DDX17: variants seen among roughly 807,000 people sequenced by gnomAD.
The protein encoded by DDX17 is probable ATP-dependent RNA helicase DDX17.
A neutral mutation model predicts 80.8 loss-of-function variants in DDX17; 10 were observed. The ratio of observed to expected loss-of-function variants is 0.12; its 90% CI spans 0.08 to 0.21. The LOEUF is 0.21. Ranked by LOEUF, DDX17 falls within the 10% of genes least tolerant of loss-of-function variation. The pLI, the probability that DDX17 is intolerant of heterozygous loss-of-function variation, is 1.00. For missense variants in DDX17, 586 were observed against 957.4 expected, an observed-to-expected ratio of 0.61 and a Z score of 5.12; for synonymous variants, 339 against 336.2, an observed-to-expected ratio of 1.01 and a Z score of -0.09.
intron 1 of DDX17, chr22:38,505,508 T>TGG (rs1210189490): frequency 1.2e-5 from 2 of 164,252 alleles, no homozygotes; most frequent in African/African-American, 4.8e-5. Flanking sequence ...TGCCATTTCG[T>TGG]GTAAGGCTTT....
At chr22:38,497,157 G>A (rs1393847607) in intron 5 of DDX17, among the ~76,000 whole-genome samples, 1 of 151,612 alleles carries the variant, frequency 6.6e-6, no homozygotes, top group African/African-American at 2.4e-5. Flanking sequence ...TTAGCTGGGT[G>A]TGGCGGCGCA....
intron 12 of DDX17, 153 bp downstream of exon 12, chr22:38,487,726 A>T: frequency 1.4e-6 from 1 of 735,318 alleles, no homozygotes; most frequent in Non-Finnish European, 2.2e-6. Flanking sequence ...ACGTTTTCTT[A>T]GTTGAAAAAG....
intron 6 of DDX17, 104 bp from the exon 7 acceptor site, chr22:38,495,150 G>A (rs2089748167): frequency 5.4e-6 from 6 of 1,116,854 alleles, no homozygotes; most frequent in Non-Finnish European, 7.5e-6. Flanking sequence ...CTTGAGGCCA[G>A]TTCACAACCA....
rs1235228885 is a variant in DDX17, at chr22:38,486,208, G to A, written c.1917C>T (p.Thr639=). The change falls in exon 13 of 13, where the codon ACC becomes ACT. Residue 639 remains threonine, a synonymous_variant. Transcript: ENST00000403230. ...TGGTGCCATAAGCAGCTGCCCCATAGGTGCCTTGACCATAGGTGTATTGGC... is the reference window on the plus strand; with the variant it reads ...TGGTGCCATAAGCAGCTGCCCCATAAGTGCCTTGACCATAGGTGTATTGGC... The A allele has an allele frequency of 1.2e-5, 20 of 1,613,864 alleles. No individual in the cohort carries two copies. Among genetic ancestry groups the A allele is most frequent in the Non-Finnish European group, 5.9e-6 (7 of 1,179,852 alleles).
chr22:38,487,711 ACTTCACGTTTTCTTAG>A (rs765968853), intron 12 of DDX17, among the ~76,000 whole-genome samples, 152 bp downstream of exon 12: 35 of 152,144 alleles, frequency 2.3e-4, no homozygotes, highest in Non-Finnish European at 4.6e-4. Flanking sequence ...ATCACAACAA[ACTTCACGTTTTCTTAG>A]TTGAAAAAGG....
chr22:38,493,517 C>T (rs2089732830), intron 10 of DDX17, 193 bp downstream of exon 10: 1 of 582,344 alleles, frequency 1.7e-6, no homozygotes, highest in South Asian at 2.2e-5. Context: ...ATATTATCTA[C>T]AGCCTACAGC....
intron 9 of DDX17, 34 bp downstream of exon 9, chr22:38,493,987 A>G (rs1411921319): frequency 6.5e-7 from 1 of 1,528,490 alleles, no homozygotes; most frequent in Non-Finnish European, 9.0e-7. Flanking sequence ...TTAACTATAA[A>G]ACCAGAGGTT....
At chr22:38,491,986 A>G in intron 11 of DDX17, 70 bp downstream of exon 11, 1 of 1,144,996 alleles carries the variant, frequency 8.7e-7, no homozygotes, top group South Asian at 1.6e-5. Flanking sequence ...TTGAAGTCTG[A>G]ATTTGAAATG....
intron 1 of DDX17, among the ~76,000 whole-genome samples, chr22:38,504,713 A>G (rs2089862476): frequency 6.6e-6 from 1 of 152,242 alleles, no homozygotes; most frequent in Non-Finnish European, 1.5e-5. Flanking sequence ...CACAAAAGAC[A>G]AAAACGTTTG....
In DDX17 at chr22:38,499,297, T is replaced by C. The variant is rs956406983; in HGVS notation, c.538+103A>G. The C allele has an allele frequency of 5.9e-6, 5 of 848,788 alleles. No individual in the cohort carries two copies. The African/African-American group carries it at 6.7e-5, about 11-fold the overall frequency. 52.6% of individuals were successfully genotyped at this position (848,788 alleles called of 1,614,324 possible). A position where few individuals can be genotyped will look rare whatever the true frequency, so the allele number is the denominator to read the frequency against. ...GACCATAAAAACAATCTCTTGTCCT[T>C]TCAACAAAACCCCAAGCCTGGCTCA... On this transcript the variant is annotated intron_variant, in intron 3 of 12. Transcript: ENST00000403230.
chr22:38,484,625 T>C lies in DDX17; in HGVS notation c.*1310A>G, dbSNP rs190241858. 2.0e-5 allele frequency: 3 copies of C among 152,356 alleles called. No individual in the cohort carries two copies. The highest frequency in any genetic ancestry group is 3.9e-4 in the East Asian group (2 of 5,182). 9.4% of individuals were successfully genotyped at this position (152,356 alleles called of 1,614,324 possible). On this transcript the variant is annotated 3_prime_UTR_variant, in exon 13 of 13. Transcript: ENST00000403230. Reference sequence around the variant, plus strand: ...CCCTATCCTGTTGTAGTGAACACAATAGCAGAAAATTCTTTCTGGGTCCAT... The same window carrying C: ...CCCTATCCTGTTGTAGTGAACACAACAGCAGAAAATTCTTTCTGGGTCCAT...
At chr22:38,498,019 C>T (rs1192165185) in intron 5 of DDX17, 66 bp downstream of exon 5, 27 of 1,486,942 alleles carry the variant, frequency 1.8e-5, no homozygotes, top group Non-Finnish European at 2.4e-5. Context: ...ATGTAAAGCA[C>T]CAAGCCTAAA....
chr22:38,500,227 A>T lies in DDX17; in HGVS notation c.439-728T>A, dbSNP rs1282252100. The stretch of plus-strand genomic sequence containing the variant: ...TTTCACTAACAGATGAAAAAACATG[A>T]CCTAATATACAATATTTCAATCATG... On this transcript the variant is annotated intron_variant, in intron 2 of 12. Transcript: ENST00000403230. Among the ~76,000 whole-genome samples, 3 of 152,006 alleles carry T rather than the reference A, an allele frequency of 2.0e-5. No homozygotes were observed. In the South Asian group the frequency reaches 6.2e-4, roughly 32 times the overall value.
At chr22:38,497,575 G>A (rs1202240352) in intron 5 of DDX17, among the ~76,000 whole-genome samples, 1 of 129,422 alleles carries the variant, frequency 7.7e-6, no homozygotes, top group Non-Finnish European at 1.6e-5. Context: ...CTGAGATCTC[G>A]CTACTGCACT....
chr22:38,490,072 G>A (rs2089698082), intron 11 of DDX17: 9 of 1,072,310 alleles, frequency 8.4e-6, no homozygotes, highest in South Asian at 2.6e-5. Context: ...CATGATGCAA[G>A]TTCTTCATAC....
Position 38,505,974 on chromosome 22 carries a change from C to G in DDX17, c.264G>C (p.Arg88=). The G allele has an allele frequency of 6.3e-7, 1 of 1,590,372 alleles. No individual in the cohort carries two copies. The highest frequency in any genetic ancestry group is 8.6e-7 in the Non-Finnish European group (1 of 1,168,774). Residue 88 remains arginine, a synonymous_variant, in exon 1 of 13, where the codon CGG becomes CGC. Coordinates refer to ENST00000403230, the MANE Select transcript of DDX17 (RefSeq NM_006386.5). Reference sequence around the variant, plus strand: ...ACCCTCCACGGTCACGATCCCGGTCCCGGTCCCCAAAGCCTCCTCCGCGCA... The same window carrying G: ...ACCCTCCACGGTCACGATCCCGGTCGCGGTCCCCAAAGCCTCCTCCGCGCA...
chr22:38,498,215 A>AAG, intron 4 of DDX17, 65 bp from the exon 5 acceptor site: 1 of 1,546,446 alleles, frequency 6.5e-7, no homozygotes, highest in Non-Finnish European at 8.9e-7. Context: ...GATACTTAGT[A>AAG]ATTACTGAAT....
chr22:38,486,009 T>C lies in DDX17; in HGVS notation c.2116A>G (p.Met706Val). ...GCAGTCTGCCCCATGTAACCTATCA[T>C]ATTGGTAGCTCCCGGAGGCTGTGCA... Residue 706 changes from methionine (M) to valine (V), a missense_variant, in exon 13 of 13, where the codon ATG (methionine) becomes GTG (valine). This residue lies in a region of DDX17 where 221 missense variants were observed against 261.4 expected (regional missense o/e 0.85). Coordinates refer to ENST00000403230, the MANE Select transcript of DDX17 (RefSeq NM_006386.5). 1.2e-6 allele frequency: 2 copies of C among 1,613,996 alleles called. No homozygotes were observed. The highest frequency in any genetic ancestry group is 8.5e-7 in the Non-Finnish European group (1 of 1,179,996).
At chr22:38,488,940 G>A (rs1219372899) in intron 11 of DDX17, 13 of 985,196 alleles carry the variant, frequency 1.3e-5, no homozygotes, top group Non-Finnish European at 1.6e-5. Context: ...GCCAAAGAAC[G>A]TGGGAAAACC....
Sources: allele counts gnomAD v4.1 joint callset (sites outside exome capture counted in the v4.1 genomes callset), GRCh38; gene constraint gnomAD v4.1.1; regional missense constraint gnomAD v4.1.1; transcripts MANE v1.5; gene names NCBI Gene and HGNC (gene_info 2026-07-23, HGNC 2026-07-21).